IL17RD: variants seen among roughly 807,000 people sequenced by gnomAD.
IL17RD encodes the protein interleukin-17 receptor D.
Under a neutral mutation model 80.5 loss-of-function variants are expected in IL17RD, and 52 were observed. The ratio of observed to expected loss-of-function variants is 0.65; its 90% confidence interval spans 0.52 to 0.81. The LOEUF is 0.81. Ranked by LOEUF, IL17RD falls within the 40% of genes least tolerant of loss-of-function variation. The pLI is 0.00. For synonymous variants in IL17RD, 416 were observed against 391.8 expected, an observed-to-expected ratio of 1.06 and a Z score of -0.73; for missense variants, 1,024 against 955.1, an observed-to-expected ratio of 1.07 and a Z score of -0.95.
In IL17RD at chr3:57,120,316, G is replaced by A; in HGVS notation, c.127-3C>T. ...TTTCTGCTGGCTGGCCCCACTCCCT[G>A]TGGGAAAACAAGAGAACATGATGCA... On this transcript the variant is annotated splice_polypyrimidine_tract_variant and splice_region_variant and intron_variant, in intron 1 of 12. Transcript: ENST00000296318. 6.2e-7 allele frequency: 1 copy of A among 1,612,470 alleles called. No individual in the cohort carries two copies. The highest frequency in any genetic ancestry group is 2.2e-5 in the East Asian group (1 of 44,874).
chr3:57,112,815 C>A (rs2107487547), intron 3 of IL17RD, among the ~76,000 whole-genome samples: 1 of 152,322 alleles, frequency 6.6e-6, no homozygotes, highest in South Asian at 2.1e-4. Flanking sequence ...TTAAGAAATT[C>A]AGACTTTACT....
At chr3:57,111,983 GA>G (rs200325464) in intron 3 of IL17RD, among the ~76,000 whole-genome samples, 2 of 150,354 alleles carry the variant, frequency 1.3e-5, no homozygotes, top group Admixed American at 6.6e-5. Flanking sequence ...AAGAAAGAAA[GA>G]AAAAAAAATT....
At position 57,125,640 on chromosome 3, in the gene IL17RD, A is replaced by C. The variant is rs575814666; in HGVS notation, c.127-5327T>G. On this transcript the variant is annotated intron_variant, in intron 1 of 12. Transcript: ENST00000296318. ...GGTCACAGGTGGTGCATTTCCTAGG[A>C]GTGATCTGTCTTCTGCATCCAGAAC... Among the ~76,000 whole-genome samples, 4 of 152,330 alleles carry C rather than the reference A, an allele frequency of 2.6e-5. No individual in the cohort carries two copies. In the South Asian group the frequency reaches 8.3e-4, roughly 32 times the overall value.
intron 1 of IL17RD, among the ~76,000 whole-genome samples, chr3:57,129,507 A>G (rs969690891): frequency 3.0e-4 from 46 of 152,188 alleles, no homozygotes; most frequent in African/African-American, 1.1e-3. Flanking sequence ...TCCGAGGCAC[A>G]GGGACTGAGT....
rs546132688 is a variant in IL17RD at position 57,096,405 on chromosome 3, G to A, written c.2208C>T (p.Val736=). 5.7e-5 allele frequency: 92 copies of A among 1,612,358 alleles called. No individual in the cohort carries two copies. Among genetic ancestry groups the A allele is most frequent in the South Asian group, 1.9e-4 (17 of 91,044 alleles). The change falls in exon 13 of 13, where the codon GTC becomes GTT. Residue 736 remains valine (V), a synonymous_variant. Coordinates refer to ENST00000296318, the MANE Select transcript of IL17RD (RefSeq NM_017563.5). ...CRSYTDELHA[V]APL The stretch of plus-strand genomic sequence containing the variant: ...CTCTTTCGTTTTGTTACAAAGGGGC[G>A]ACCGCGTGGAGTTCATCAGTGTAGC...
intron 1 of IL17RD, among the ~76,000 whole-genome samples, chr3:57,149,296 CAAA>C (rs111306706): frequency 3.4e-5 from 3 of 88,320 alleles, no homozygotes; most frequent in Admixed American, 1.3e-4. Context: ...AACTCCATCT[CAAA>C]AAAAAAAAAA....
intron 5 of IL17RD, among the ~76,000 whole-genome samples, chr3:57,106,977 G>A (rs189607870): frequency 4.5e-4 from 68 of 152,272 alleles, no homozygotes; most frequent in African/African-American, 1.6e-3. Flanking sequence ...TGATTTAGGT[G>A]AGGCTTTCAT....
intron 1 of IL17RD, among the ~76,000 whole-genome samples, chr3:57,145,826 C>T (rs1707913362): frequency 6.6e-6 from 1 of 152,186 alleles, no homozygotes; most frequent in Non-Finnish European, 1.5e-5. Flanking sequence ...CTGCCCTGTC[C>T]ATAGTCACAA....
At chr3:57,164,953 G>C in intron 1 of IL17RD, 1 of 1,312,664 alleles carries the variant, frequency 7.6e-7, no homozygotes, top group South Asian at 1.9e-5. Flanking sequence ...GCCGGGGTCG[G>C]GCAGCCGCTT....
intron 1 of IL17RD, among the ~76,000 whole-genome samples, chr3:57,131,944 G>T (rs1245570739): frequency 2.0e-5 from 3 of 152,236 alleles, no homozygotes. Context: ...CCAGCATTTT[G>T]GGAGGCGGAG....
At chr3:57,166,324 A>G (rs1293969365), upstream of IL17RD, among the ~76,000 whole-genome samples, 1 of 152,138 alleles carries the variant, frequency 6.6e-6, no homozygotes, top group African/African-American at 2.4e-5. Flanking sequence ...TCCAGCCTGG[A>G]TCCAAAGTTA....
At position 57,165,151 on chromosome 3, in the gene IL17RD, C is replaced by G; in HGVS notation, c.126+10G>C. ...TGGCGACGGCAAGAAACCCGCCGCC[C>G]TCGCCTTACCCTCCAGCCACAGGTG... On this transcript the variant is annotated intron_variant, in intron 1 of 12. Coordinates refer to ENST00000296318, the MANE Select transcript of IL17RD (RefSeq NM_017563.5). 2 of 1,518,666 alleles carry G rather than the reference C, an allele frequency of 1.3e-6. No individual in the cohort carries two copies. Among genetic ancestry groups the G allele is most frequent in the Non-Finnish European group, 1.8e-6 (2 of 1,135,712 alleles). The allele number at this position is 1,518,666 out of a possible 1,614,324, so 94.1% of individuals were successfully genotyped here. A position where few individuals can be genotyped will look rare whatever the true frequency, so the allele number is the denominator to read the frequency against.
Position 57,098,002 on chromosome 3 carries a change from G to T in IL17RD, c.1701C>A (p.Phe567Leu). ...CCCGGTAGCGCAGTGGAGGAGGATG[G>T]AAGGGAACGAACTGCTTTTCGAACC... ...PDWFEKQFVP[F>L]HPPPLRYREP... Residue 567 changes from phenylalanine to leucine, a missense_variant, in exon 12 of 13, where the codon TTC (phenylalanine) becomes TTA (leucine). Coordinates refer to ENST00000296318, the MANE Select transcript of IL17RD (RefSeq NM_017563.5). 1 of 1,614,060 alleles carries T rather than the reference G, an allele frequency of 6.2e-7. No homozygotes were observed. The highest frequency in any genetic ancestry group is 8.5e-7 in the Non-Finnish European group (1 of 1,179,894).
chr3:57,096,968 C>T (rs567787049), intron 12 of IL17RD, among the ~76,000 whole-genome samples: 10 of 151,042 alleles, frequency 6.6e-5, no homozygotes, highest in Non-Finnish European at 1.2e-4. Flanking sequence ...TGAGATCATG[C>T]CATTGCAGCC....
chr3:57,131,232 T>C (rs72875814), intron 1 of IL17RD, among the ~76,000 whole-genome samples: 2,568 of 147,908 alleles, frequency 0.017, 78 homozygotes, highest in African/African-American at 0.059. Context: ...GGGAGAAATA[T>C]CAAGTCTCAA....
At position 57,120,312 on chromosome 3, in the gene IL17RD, C is replaced by G. The variant is rs1281177190; in HGVS notation, c.128G>C (p.Gly43Ala). ...ARGADTCGWR[G>A]VGPASRNSGL... ...ACTGTTTCTGCTGGCTGGCCCCACT[C>G]CCTGTGGGAAAACAAGAGAACATGA... is the stretch of plus-strand genomic sequence containing the variant. The change falls in exon 2 of 13, where the codon GGA (glycine) becomes GCA (alanine). Residue 43 changes from glycine (G) to alanine (A), a missense_variant and splice_region_variant. Coordinates refer to ENST00000296318, the MANE Select transcript of IL17RD (RefSeq NM_017563.5). 3 of 1,612,658 alleles carry G rather than the reference C, an allele frequency of 1.9e-6. No homozygotes were observed. The highest frequency in any genetic ancestry group is 1.7e-5 in the Admixed American group (1 of 60,016).
chr3:57,099,822 A>G (rs1706785326), intron 11 of IL17RD, among the ~76,000 whole-genome samples: 1 of 152,228 alleles, frequency 6.6e-6, no homozygotes, highest in African/African-American at 2.4e-5. Flanking sequence ...TGGCAAATCA[A>G]TATGGAGGAT....
intron 2 of IL17RD, among the ~76,000 whole-genome samples, chr3:57,118,367 A>T (rs1158825958): frequency 1.3e-5 from 2 of 152,220 alleles, no homozygotes; most frequent in African/African-American, 2.4e-5. Context: ...TTTGTATCTT[A>T]AAATTGTTAG....
Position 57,102,366 on chromosome 3 carries a change from A to C in IL17RD, c.979+113T>G, listed in dbSNP as rs1286376743. 4 of 461,710 alleles carry C rather than the reference A, an allele frequency of 8.7e-6. No individual in the cohort carries two copies. The Admixed American group carries it at 1.5e-4, about 18-fold the overall frequency. 28.6% of individuals were successfully genotyped at this position (461,710 alleles called of 1,614,324 possible). ...TGGGAACTGAATAGTAGGAGCTATG[A>C]GGCTTCCCAGGCGCCATCCTGGAGG... On this transcript the variant is annotated intron_variant, in intron 10 of 12. Transcript: ENST00000296318.
Sources: allele counts gnomAD v4.1 joint callset (sites outside exome capture counted in the v4.1 genomes callset), GRCh38; gene constraint gnomAD v4.1.1; transcripts MANE v1.5; gene names NCBI Gene and HGNC (gene_info 2026-07-23, HGNC 2026-07-21).